Variants in PARP14 observed in about 807,000 individuals in gnomAD.
PARP14 encodes poly(ADP-ribose) polymerase family member 14.
PARP14 carries 59 observed loss-of-function variants against 154.2 expected under a neutral mutation model. That is an observed-to-expected ratio of 0.38 (90% CI 0.31 to 0.48). The LOEUF (loss-of-function observed/expected upper bound fraction) is 0.48, where lower values mean the gene tolerates loss of function less well. Among genes scored for constraint, PARP14 ranks in the 20% least tolerant of loss-of-function variants. PARP14 has a pLI of 0.98. For synonymous variants in PARP14, 720 were observed against 780.5 expected (o/e 0.92, Z 1.29); for missense variants, 1,734 against 2,131.6 (o/e 0.81, Z 3.67).
intron 1 of PARP14, among the ~76,000 whole-genome samples, chr3:122,682,861 G>A (rs1023932050): frequency 6.6e-6 from 1 of 152,090 alleles, no homozygotes; most frequent in Non-Finnish European, 1.5e-5. Context: ...GACCATCCTT[G>A]AGCAACATGG....
chr3:122,728,605 G>A lies in PARP14; in HGVS notation c.*8G>A, dbSNP rs771922187. The A allele has an allele frequency of 1.9e-6, 3 of 1,597,554 alleles. No homozygotes were observed. Among genetic ancestry groups the A allele is most frequent in the East Asian group, 2.2e-5 (1 of 44,552 alleles). On this transcript the variant is annotated 3_prime_UTR_variant, in exon 17 of 17. Coordinates refer to ENST00000474629, the MANE Select transcript of PARP14 (RefSeq NM_017554.3). The stretch of plus-strand genomic sequence containing the variant: ...ATTACGTTTAGAAAATAACACTTTG[G>A]TATCCTTCCCACAAAATTATTCTCC...
At chr3:122,704,071 CTGTT>C (rs1939071789) in intron 7 of PARP14, 93 bp downstream of exon 7, 1 of 805,170 alleles carries the variant, frequency 1.2e-6, no homozygotes, top group Non-Finnish European at 2.1e-6. Flanking sequence ...TGGGCCTTGT[CTGTT>C]TCTCTTCCAT....
intron 8 of PARP14, among the ~76,000 whole-genome samples, chr3:122,706,516 C>T (rs1388439127): frequency 6.6e-6 from 1 of 152,144 alleles, no homozygotes; most frequent in East Asian, 1.9e-4. Flanking sequence ...CCTAAAACTT[C>T]AAAACTTCTG....
chr3:122,725,094 T>C (rs1435680611), intron 15 of PARP14, among the ~76,000 whole-genome samples: 2 of 152,212 alleles, frequency 1.3e-5, no homozygotes, highest in East Asian at 3.8e-4. Flanking sequence ...TTTCCCCACA[T>C]TTCCTCCTTT....
chr3:122,712,240 C>CTTTTTTTTT (rs55876947), intron 9 of PARP14, among the ~76,000 whole-genome samples: 1 of 138,358 alleles, frequency 7.2e-6, no homozygotes, highest in Non-Finnish European at 1.6e-5. Flanking sequence ...GGATTCACAT[C>CTTTTTTTTT]TTTTTTTTTT....
chr3:122,692,275 T>G, intron 3 of PARP14, 26 bp from the exon 4 acceptor site: 1 of 1,596,972 alleles, frequency 6.3e-7, no homozygotes, highest in Non-Finnish European at 8.6e-7. Context: ...TAACATCTTG[T>G]ACCTCTTTTG....
intron 14 of PARP14, 142 bp from the exon 15 acceptor site, chr3:122,720,113 G>A (rs1933125863): frequency 1.3e-6 from 1 of 798,124 alleles, no homozygotes; most frequent in South Asian, 1.8e-5. Context: ...TGTTGTTCAT[G>A]CTTTGAAAAG....
chr3:122,724,302 CTTT>C lies in PARP14; in HGVS notation c.4942-3498_4942-3496del, dbSNP rs35510761. 8.2e-3 allele frequency among the ~76,000 whole-genome samples: 1,197 copies of C among 145,820 alleles called. 10 individuals are homozygous for C. The highest frequency in any genetic ancestry group is 0.013 in the Non-Finnish European group (852 of 66,492). On this transcript the variant is annotated intron_variant, in intron 15 of 16. Coordinates refer to ENST00000474629, the MANE Select transcript of PARP14 (RefSeq NM_017554.3). Reference sequence around the variant, plus strand: ...AATCATGAACTTGTATTTATGTTTTCTTTTTTTTTTTTTTGAGGCAAAGTTTTG... The same window carrying C: ...AATCATGAACTTGTATTTATGTTTTCTTTTTTTTTTTGAGGCAAAGTTTTG...
At chr3:122,719,443 C>T (rs1933101669) in intron 14 of PARP14, among the ~76,000 whole-genome samples, 1 of 152,176 alleles carries the variant, frequency 6.6e-6, no homozygotes, top group Admixed American at 6.5e-5. Context: ...CAGTAGTCAC[C>T]TCTGCCAAGA....
In PARP14 at chr3:122,701,898, C is replaced by A. The variant is rs9883748; in HGVS notation, c.3081+263C>A. Among the ~76,000 whole-genome samples the A allele has an allele frequency of 1, 151,705 of 152,366 alleles. 75,527 individuals carry two copies. Among genetic ancestry groups the A allele is most frequent in the Middle Eastern group, 1 (294 of 294 alleles). The stretch of plus-strand genomic sequence containing the variant: ...TGCTAGATTTCCAGTAGATGTAAAA[C>A]TCCATAATATCACACGTTTAGACAG... On this transcript the variant is annotated intron_variant, in intron 6 of 16. Coordinates refer to ENST00000474629, the MANE Select transcript of PARP14 (RefSeq NM_017554.3). This position sits in a 1 kb window ranked among gnomAD's most constrained non-coding sequence, Gnocchi z 4.0.
chr3:122,725,403 C>G (rs537521761), intron 15 of PARP14, among the ~76,000 whole-genome samples: 1 of 149,016 alleles, frequency 6.7e-6, no homozygotes, highest in African/African-American at 2.5e-5. Flanking sequence ...TGCTCCCCAC[C>G]TCCCAGACAG....
At chr3:122,713,065 C>T (rs1238883474) in intron 9 of PARP14, among the ~76,000 whole-genome samples, 1 of 152,206 alleles carries the variant, frequency 6.6e-6, no homozygotes, top group Admixed American at 6.5e-5. Context: ...ATTGCTTCTG[C>T]AAGTTTTGGC....
chr3:122,680,961 G>C lies in PARP14; in HGVS notation c.78G>C (p.Lys26Asn). Residue 26 changes from lysine to asparagine, a missense_variant, in exon 1 of 17, where the codon AAG becomes AAC. Coordinates refer to ENST00000474629, the MANE Select transcript of PARP14 (RefSeq NM_017554.3). Reference sequence around the variant, plus strand: ...ACCCCCCGAAGAACTTGAACACCAAGTTGCAGATGTACTTCCAGAGCCCGA... The same window carrying C: ...ACCCCCCGAAGAACTTGAACACCAACTTGCAGATGTACTTCCAGAGCCCGA... The part of the protein sequence containing the change: ...GPDPPKNLNT[K>N]LQMYFQSPKR... The C allele has an allele frequency of 6.2e-7, 1 of 1,613,760 alleles. No homozygotes were observed. Among genetic ancestry groups the C allele is most frequent in the Non-Finnish European group, 8.5e-7 (1 of 1,179,708 alleles).
In PARP14 at chr3:122,700,961, G is replaced by T; in HGVS notation, c.2407G>T (p.Val803Leu). 6.2e-7 allele frequency: 1 copy of T among 1,614,058 alleles called. No homozygotes were observed. Among genetic ancestry groups the T allele is most frequent in the Admixed American group, 1.7e-5 (1 of 60,032 alleles). The change falls in exon 6 of 17, where the codon GTG (valine) becomes TTG (leucine). Residue 803 changes from valine to leucine, a missense_variant. Val to Leu is a conservative substitution (Grantham distance 32, BLOSUM62 1). Coordinates refer to ENST00000474629, the MANE Select transcript of PARP14 (RefSeq NM_017554.3). ...FSRTVLAPGV[V>L]LIVQQGDLAR... The stretch of plus-strand genomic sequence containing the variant: ...TCGGACAGTCTTGGCCCCTGGCGTT[G>T]TGCTGATTGTGCAGCAGGGTGACTT...
chr3:122,698,394 GCACATGCACA>G (rs1292746579), intron 5 of PARP14, among the ~76,000 whole-genome samples: 1 of 152,246 alleles, frequency 6.6e-6, no homozygotes, highest in Non-Finnish European at 1.5e-5. Flanking sequence ...AGAAGAGCAT[GCACATGCACA>G]CACATGCAAA....
chr3:122,727,862 A>G lies in PARP14; in HGVS notation c.4992A>G (p.Lys1664=). ...PDLWNSYQAK[K]KTMDAKNGQT... ...TCTGGAATAGCTACCAGGCAAAGAA[A>G]AAAACTATGGATGCCAAGAATGGCC... is the stretch of plus-strand genomic sequence containing the variant. The change falls in exon 16 of 17, where the codon AAA becomes AAG. Residue 1664 remains lysine, a synonymous_variant. Transcript: ENST00000474629. 1.2e-6 allele frequency: 2 copies of G among 1,613,542 alleles called. No individual in the cohort carries two copies. Among genetic ancestry groups the G allele is most frequent in the South Asian group, 2.2e-5 (2 of 91,042 alleles).
At position 122,681,135 on chromosome 3, in the gene PARP14, C is replaced by A. The variant is rs1010373713; in HGVS notation, c.187+65C>A. 1.5e-6 allele frequency: 2 copies of A among 1,291,830 alleles called. No homozygotes were observed. 80.0% of individuals were successfully genotyped at this position (1,291,830 alleles called of 1,614,324 possible). ...TGCCCTCCCTCCAGGGAAATGGCGGCAGGGCACGCACGGGAGGGTGACCCG... is the reference window on the plus strand; with the variant it reads ...TGCCCTCCCTCCAGGGAAATGGCGGAAGGGCACGCACGGGAGGGTGACCCG... On this transcript the variant is annotated intron_variant, in intron 1 of 16. Transcript: ENST00000474629. The surrounding 1 kb of genome is among the most constrained non-coding windows in gnomAD (Gnocchi z 5.5).
In PARP14 at chr3:122,700,175, G is replaced by A; in HGVS notation, c.1621G>A (p.Glu541Lys). ...TCAGAAAAACATTCAGGTTTCTCCT[G>A]AGATTTTTCAGTTTTTGCAACAGGT... ...MAQKNIQVSP[E>K]IFQFLQQVNW... The change falls in exon 6 of 17, where the codon GAG (glutamate) becomes AAG (lysine). Residue 541 changes from glutamate (E) to lysine (K), a missense_variant. Glu to Lys is a moderately conservative substitution (Grantham distance 56, BLOSUM62 1). Coordinates refer to ENST00000474629, the MANE Select transcript of PARP14 (RefSeq NM_017554.3). The A allele has an allele frequency of 6.2e-7, 1 of 1,612,804 alleles. No homozygotes were observed. The highest frequency in any genetic ancestry group is 8.5e-7 in the Non-Finnish European group (1 of 1,179,240).
intron 1 of PARP14, among the ~76,000 whole-genome samples, chr3:122,682,921 G>A (rs1353948003): frequency 6.6e-6 from 1 of 152,148 alleles, no homozygotes; most frequent in African/African-American, 2.4e-5. Flanking sequence ...CGAGCGTGGT[G>A]GTGTGCGCCT....
Sources: gnomAD v4.1 joint callset for allele counts (sites outside exome capture counted in the v4.1 genomes callset) on GRCh38, gnomAD v4.1.1 for gene constraint, Gnocchi (gnomAD v3.1) non-coding constraint, MANE v1.5 for transcripts, NCBI Gene and HGNC (gene_info 2026-07-23, HGNC 2026-07-21) for gene names.